SLC3A1: variants seen among roughly 807,000 people sequenced by gnomAD.
SLC3A1 encodes the protein solute carrier family 3 member 1.
A neutral mutation model predicts 60.3 loss-of-function variants in SLC3A1; 78 were observed. The observed-to-expected ratio is 1.29, with a 90% confidence interval of 1.08 to 1.56. SLC3A1 has a LOEUF of 1.56. Ranked by LOEUF, SLC3A1 falls within the 40% of genes most tolerant of loss-of-function variation. SLC3A1 has a pLI of 0.00. For missense variants in SLC3A1, 1,172 were observed against 858.9 expected (o/e 1.36, Z -4.56); for synonymous variants, 392 against 307.9 (o/e 1.27, Z -2.86).
At chr2:44,291,424 AGT>A (rs1671737719) in intron 4 of SLC3A1, among the ~76,000 whole-genome samples, 1 of 152,154 alleles carries the variant, frequency 6.6e-6, no homozygotes, top group Admixed American at 6.5e-5. Flanking sequence ...CAAGCCGTGG[AGT>A]GTGTGGACAG....
rs1170424308 is a variant in SLC3A1 at position 44,280,645 on chromosome 2, A to G, written c.431-71A>G. 13 of 1,054,752 alleles carry G rather than the reference A, an allele frequency of 1.2e-5. 1 individual carries two copies. The highest frequency in any genetic ancestry group is 1.0e-4 in the Admixed American group (5 of 49,012). 65.3% of individuals were successfully genotyped at this position (1,054,752 alleles called of 1,614,324 possible). A position where few individuals can be genotyped will look rare whatever the true frequency, so the allele number is the denominator to read the frequency against. On this transcript the variant is annotated intron_variant, in intron 1 of 9. Coordinates refer to ENST00000260649, the MANE Select transcript of SLC3A1 (RefSeq NM_000341.4). ...ATGTAAATATTTCTATCTTAGGCATATTTGTTATATTTTTTGTCCTTTAAC... is the reference window on the plus strand; with the variant it reads ...ATGTAAATATTTCTATCTTAGGCATGTTTGTTATATTTTTTGTCCTTTAAC...
rs1358596967 is a variant in SLC3A1, at chr2:44,282,164, T to C, written c.765+623T>C. Among the ~76,000 whole-genome samples the C allele has an allele frequency of 2.6e-5, 4 of 152,086 alleles. No individual in the cohort carries two copies. The East Asian group carries it at 7.7e-4, about 29-fold the overall frequency. On this transcript the variant is annotated intron_variant, in intron 3 of 9. Transcript: ENST00000260649. ...TGGGATTACAGGTGTAAGCCACCGCTCCTGGCCCCCTTTGCCTTTCTGACT... is the reference window on the plus strand; with the variant it reads ...TGGGATTACAGGTGTAAGCCACCGCCCCTGGCCCCCTTTGCCTTTCTGACT...
intron 9 of SLC3A1, among the ~76,000 whole-genome samples, chr2:44,315,558 C>T (rs1408531432): frequency 6.8e-6 from 1 of 146,598 alleles, no homozygotes; most frequent in Non-Finnish European, 1.5e-5. Context: ...CCTGTCATCC[C>T]AGCTACTCAG....
At chr2:44,301,493 C>A in intron 6 of SLC3A1, 1 of 413,906 alleles carries the variant, frequency 2.4e-6, no homozygotes. Context: ...GTAAACCCAG[C>A]ACTGTAGGAG....
intron 3 of SLC3A1, among the ~76,000 whole-genome samples, chr2:44,284,772 C>T (rs746556774): frequency 2.0e-5 from 3 of 151,968 alleles, no homozygotes; most frequent in Non-Finnish European, 4.4e-5. Context: ...CACTATGTTG[C>T]CCAAGCTGGT....
At chr2:44,276,039 A>G in intron 1 of SLC3A1, 74 bp downstream of exon 1, 1 of 1,356,582 alleles carries the variant, frequency 7.4e-7, no homozygotes, top group Non-Finnish European at 1.1e-6. Flanking sequence ...CTTCAGAACC[A>G]AATTATGCCT....
intron 9 of SLC3A1, among the ~76,000 whole-genome samples, chr2:44,315,503 CAAAAA>C (rs11324145): frequency 3.0e-5 from 4 of 132,724 alleles, no homozygotes; most frequent in Admixed American, 7.6e-5. Flanking sequence ...CTACCCCCGC[CAAAAA>C]AAAAAAAAAA....
chr2:44,291,518 T>C (rs1267306011), intron 4 of SLC3A1, among the ~76,000 whole-genome samples: 1 of 152,170 alleles, frequency 6.6e-6, no homozygotes, highest in East Asian at 1.9e-4. Context: ...TAGACTTTAT[T>C]TGCAAGACTG....
chr2:44,304,365 TAATGTGCTGCTGTTGCCTTTGCTGTCCAG>T, intron 7 of SLC3A1, 27 bp downstream of exon 7: 3 of 1,554,664 alleles, frequency 1.9e-6, no homozygotes, highest in Non-Finnish European at 2.7e-6. Flanking sequence ...GCAGAGTACA[TAATGTGCTGCTGTTGCCTTTGCTGTCCAG>T]TTATCTCTAA....
chr2:44,275,852 C>T lies in SLC3A1; in HGVS notation c.317C>T (p.Ala106Val). ...SVLVLIAATI[A>V]IIALSPKCLD... is the part of the protein sequence containing the mutation. ...CTGGTGCTCATCGCGGCCACCATAGCCATCATTGCCCTCTCTCCAAAGTGC... is the reference window on the plus strand; with the variant it reads ...CTGGTGCTCATCGCGGCCACCATAGTCATCATTGCCCTCTCTCCAAAGTGC... The change falls in exon 1 of 10, where the codon GCC (alanine) becomes GTC (valine). Residue 106 changes from alanine to valine, a missense_variant. Transcript: ENST00000260649. The T allele has an allele frequency of 5.6e-6, 9 of 1,614,220 alleles. No individual in the cohort carries two copies. The highest frequency in any genetic ancestry group is 5.9e-6 in the Non-Finnish European group (7 of 1,180,034).
At position 44,275,622 on chromosome 2, in the gene SLC3A1, C is replaced by T; in HGVS notation, c.87C>T (p.Asp29=). Residue 29 remains aspartate, a synonymous_variant, in exon 1 of 10, where the codon GAC becomes GAT. Coordinates refer to ENST00000260649, the MANE Select transcript of SLC3A1 (RefSeq NM_000341.4). ...QTNNGFVHNE[D]ILEQTPDPGS... is the part of the protein sequence containing the mutation. ...ACAACGGGTTTGTCCATAATGAAGA[C>T]ATTCTGGAGCAGACCCCGGATCCAG... 11 of 1,614,082 alleles carry T rather than the reference C, an allele frequency of 6.8e-6. No homozygotes were observed. The highest frequency in any genetic ancestry group is 9.3e-6 in the Non-Finnish European group (11 of 1,179,952).
chr2:44,299,294 C>T (rs1328006011), intron 4 of SLC3A1, among the ~76,000 whole-genome samples: 2 of 152,222 alleles, frequency 1.3e-5, no homozygotes, highest in Non-Finnish European at 2.9e-5. Flanking sequence ...CTGCCTCGGC[C>T]TCCCAGAGTG....
intron 9 of SLC3A1, among the ~76,000 whole-genome samples, chr2:44,316,601 CT>C (rs1478995081): frequency 6.6e-6 from 1 of 152,174 alleles, no homozygotes; most frequent in Non-Finnish European, 1.5e-5. Context: ...TAAAGGAAGA[CT>C]TTGTCTTCTT....
intron 7 of SLC3A1, among the ~76,000 whole-genome samples, chr2:44,304,878 A>G (rs911843732): frequency 1.4e-5 from 2 of 138,070 alleles, no homozygotes; most frequent in East Asian, 2.1e-4. Context: ...CTGGAGTGCA[A>G]TGGTGCAGTC....
intron 5 of SLC3A1, among the ~76,000 whole-genome samples, chr2:44,300,311 G>T (rs562101069): frequency 4.6e-5 from 7 of 152,268 alleles, no homozygotes; most frequent in African/African-American, 1.7e-4. Context: ...CCCTTGAGGA[G>T]TCCTTCAGTG....
In SLC3A1 at chr2:44,300,102, T is replaced by G; in HGVS notation, c.1011+12T>G. 6.2e-7 allele frequency: 1 copy of G among 1,613,528 alleles called. No homozygotes were observed. Among genetic ancestry groups the G allele is most frequent in the Non-Finnish European group, 8.5e-7 (1 of 1,179,520 alleles). ...AGACCCAAATCCCGGTAAAGTTTTA[T>G]TTTAAACGTTTTTCTTTTGCCTTTT... is the stretch of plus-strand genomic sequence containing the variant. On this transcript the variant is annotated intron_variant, in intron 5 of 9. Coordinates refer to ENST00000260649, the MANE Select transcript of SLC3A1 (RefSeq NM_000341.4).
chr2:44,310,885 A>ATG (rs1672279694), intron 7 of SLC3A1, among the ~76,000 whole-genome samples: 1 of 151,446 alleles, frequency 6.6e-6, no homozygotes, highest in Admixed American at 6.6e-5. Flanking sequence ...TGCAACCTTG[A>ATG]TGTCCTGTGC....
intron 1 of SLC3A1, among the ~76,000 whole-genome samples, chr2:44,280,361 C>T (rs1452921500): frequency 1.3e-5 from 2 of 152,064 alleles, no homozygotes; most frequent in Non-Finnish European, 2.9e-5. Context: ...GCCTCAGCCT[C>T]CCAGGTAGCT....
Position 44,304,298 on chromosome 2 carries a change from G to C in SLC3A1, c.1292G>C (p.Trp431Ser). The C allele has an allele frequency of 6.2e-7, 1 of 1,614,134 alleles. No individual in the cohort carries two copies. Among genetic ancestry groups the C allele is most frequent in the Non-Finnish European group, 8.5e-7 (1 of 1,179,978 alleles). ...AGCGTGTATGAGGTTATCACATCCT[G>C]GATGGAAAACATGCCAGAAGGAAAA... ...GNSVYEVITS[W>S]MENMPEGKWP... Residue 431 changes from tryptophan to serine, a missense_variant, in exon 7 of 10, where the codon TGG (tryptophan) becomes TCG (serine). Physicochemically the swap from Trp to Ser is radical, Grantham distance 177 (BLOSUM62 -3). Transcript: ENST00000260649.
Sources: allele counts gnomAD v4.1 joint callset (sites outside exome capture counted in the v4.1 genomes callset), GRCh38; gene constraint gnomAD v4.1.1; transcripts MANE v1.5; gene names NCBI Gene and HGNC (gene_info 2026-07-23, HGNC 2026-07-21).